The following CMYA5 variants were observed in gnomAD, a reference collection of about 807,000 sequenced individuals.
The protein encoded by CMYA5 is cardiomyopathy-associated protein 5.
Under a neutral mutation model 318.9 loss-of-function variants are expected in CMYA5, and 246 were observed. The ratio of observed to expected loss-of-function variants is 0.77; its 90% CI spans 0.70 to 0.86. The LOEUF (loss-of-function observed/expected upper bound fraction) is 0.86, where lower values mean the gene tolerates loss of function less well. Ranked by LOEUF, CMYA5 falls within the 40% of genes least tolerant of loss-of-function variation. The pLI, the probability that CMYA5 is intolerant of heterozygous loss-of-function variation, is 0.00. For synonymous variants in CMYA5, 1,641 were observed against 1,729.5 expected (o/e 0.95, Z 1.27); for missense variants, 4,589 against 4,678.2 (o/e 0.98, Z 0.56).
In CMYA5 at chr5:79,733,634, G is replaced by C; in HGVS notation, c.4869G>C (p.Glu1623Asp). The change falls in exon 2 of 13, where the codon GAG becomes GAC. Residue 1623 changes from glutamate to aspartate, a missense_variant. By Grantham distance (45) the Glu-to-Asp change is conservative. This residue lies in a region of CMYA5 where 2,132 missense variants were observed against 2,131.3 expected (regional missense o/e 1.00). Transcript: ENST00000446378. ...VALAELSLEP[E>D]KKDKPHQPLE... ...TGGCAGAGCTGTCTTTGGAACCTGAGAAGAAAGACAAGCCACACCAACCGT... is the reference window on the plus strand; with the variant it reads ...TGGCAGAGCTGTCTTTGGAACCTGACAAGAAAGACAAGCCACACCAACCGT... 6.2e-7 allele frequency: 1 copy of C among 1,613,098 alleles called. No individual in the cohort carries two copies. The highest frequency in any genetic ancestry group is 8.5e-7 in the Non-Finnish European group (1 of 1,179,638).
intron 9 of CMYA5, among the ~76,000 whole-genome samples, chr5:79,768,089 A>G (rs1447769271): frequency 6.6e-6 from 1 of 151,660 alleles, no homozygotes; most frequent in Non-Finnish European, 1.5e-5. Flanking sequence ...TTGTTGGTTT[A>G]AAGTCTGTTT....
intron 1 of CMYA5, among the ~76,000 whole-genome samples, chr5:79,728,591 AGT>A (rs1317598928): frequency 2.0e-5 from 3 of 152,066 alleles, no homozygotes; most frequent in Admixed American, 6.5e-5. Context: ...TGGTGACTAG[AGT>A]GGGCTTGAGT....
intron 9 of CMYA5, among the ~76,000 whole-genome samples, chr5:79,772,960 A>G (rs1279758834): frequency 6.6e-6 from 1 of 152,262 alleles, no homozygotes; most frequent in Non-Finnish European, 1.5e-5. Context: ...TGATGTATAA[A>G]GAAGCTCAAA....
At chr5:79,776,712 A>C (rs1194277588) in intron 9 of CMYA5, among the ~76,000 whole-genome samples, 1 of 152,168 alleles carries the variant, frequency 6.6e-6, no homozygotes, top group African/African-American at 2.4e-5. Context: ...AGTTCACACT[A>C]TGTGGTGTCG....
chr5:79,726,425 G>A (rs566162593), intron 1 of CMYA5, among the ~76,000 whole-genome samples: 2 of 152,258 alleles, frequency 1.3e-5, no homozygotes, highest in East Asian at 3.9e-4. Flanking sequence ...GTATGTAAAA[G>A]AGCCTGAAAA....
chr5:79,750,076 G>A (rs1282562790), intron 5 of CMYA5, among the ~76,000 whole-genome samples: 1 of 151,750 alleles, frequency 6.6e-6, no homozygotes, highest in East Asian at 1.9e-4. Context: ...GATACCCATA[G>A]GAAGTGGCAC....
intron 1 of CMYA5, among the ~76,000 whole-genome samples, 160 bp from the exon 2 acceptor site, chr5:79,728,755 T>C (rs1170463140): frequency 6.6e-6 from 1 of 152,210 alleles, no homozygotes; most frequent in Non-Finnish European, 1.5e-5. Flanking sequence ...TTTTAAACTT[T>C]ATTTGATATA....
chr5:79,714,287 G>A (rs1827469910), intron 1 of CMYA5, among the ~76,000 whole-genome samples: 1 of 151,764 alleles, frequency 6.6e-6, no homozygotes, highest in Non-Finnish European at 1.5e-5. Context: ...TTTTTATCTT[G>A]CAAAACCTCA....
intron 1 of CMYA5, among the ~76,000 whole-genome samples, chr5:79,715,433 G>A (rs1045098619): frequency 2.0e-5 from 3 of 152,064 alleles, no homozygotes; most frequent in Middle Eastern, 3.4e-3. Flanking sequence ...GACTACAGGC[G>A]CCCGCCACCA....
In CMYA5 at chr5:79,762,260, G is replaced by A. The variant is rs1040582325; in HGVS notation, c.11407+303G>A. 24 of 281,090 alleles carry A rather than the reference G, an allele frequency of 8.5e-5. No individual in the cohort carries two copies. The South Asian group carries it at 1.4e-3, about 17-fold the overall frequency. 17.4% of individuals were successfully genotyped at this position (281,090 alleles called of 1,614,324 possible). A position where few individuals can be genotyped will look rare whatever the true frequency, so the allele number is the denominator to read the frequency against. On this transcript the variant is annotated intron_variant, in intron 8 of 12. Coordinates refer to ENST00000446378, the MANE Select transcript of CMYA5 (RefSeq NM_153610.5). ...GTTGGCCTGGGGCAGGGGCAGGATC[G>A]GAACTGCTTCCTAGAACTGATGCCT...
Position 79,735,072 on chromosome 5 carries a change from G to C in CMYA5, c.6307G>C (p.Glu2103Gln). 6.2e-7 allele frequency: 1 copy of C among 1,613,798 alleles called. No individual in the cohort carries two copies. Among genetic ancestry groups the C allele is most frequent in the Non-Finnish European group, 8.5e-7 (1 of 1,179,802 alleles). The change falls in exon 2 of 13, where the codon GAA becomes CAA. Residue 2103 changes from glutamate to glutamine, a missense_variant. Glu to Gln is a conservative substitution (Grantham distance 29). Around this residue, in one of 3 missense-constraint regions of CMYA5, gnomAD observed 2,431 missense variants for 2,495.1 expected, o/e 0.97. Coordinates refer to ENST00000446378, the MANE Select transcript of CMYA5 (RefSeq NM_153610.5). ...TPPFPEEKPL[E>Q]ESKMVQSKVI... ...TCCTTTTCCTGAAGAGAAGCCATTG[G>C]AAGAATCAAAAATGGTTCAGTCAAA... is the stretch of plus-strand genomic sequence containing the variant.
At chr5:79,745,107 C>T (rs1828290983) in intron 3 of CMYA5, 115 bp from the exon 4 acceptor site, 7 of 659,442 alleles carry the variant, frequency 1.1e-5, no homozygotes, top group South Asian at 2.0e-5. Context: ...ATGTCTGATT[C>T]TCTGATCAGG....
At chr5:79,701,853 C>A (rs545824832) in intron 1 of CMYA5, among the ~76,000 whole-genome samples, 1 of 152,122 alleles carries the variant, frequency 6.6e-6, no homozygotes, top group South Asian at 2.1e-4. Flanking sequence ...AGAGGCCAGG[C>A]GTGGTGGCTC....
At position 79,731,707 on chromosome 5, in the gene CMYA5, C is replaced by T. The variant is rs763572326; in HGVS notation, c.2942C>T (p.Pro981Leu). The change falls in exon 2 of 13, where the codon CCA becomes CTA. Residue 981 changes from proline to leucine, a missense_variant. This residue lies in a region of CMYA5 where 2,132 missense variants were observed against 2,131.3 expected (regional missense o/e 1.00). Coordinates refer to ENST00000446378, the MANE Select transcript of CMYA5 (RefSeq NM_153610.5). ...GATTCTCCAATATGTTTAACATCAC[C>T]ATCTGAGCACACTATTTTGTCAGAT... Reference protein sequence around the residue: ...ECDSPICLTSPSEHTILSDED... With the variant: ...ECDSPICLTSLSEHTILSDED... 3 of 1,613,930 alleles carry T rather than the reference C, an allele frequency of 1.9e-6. No homozygotes were observed. The highest frequency in any genetic ancestry group is 1.7e-5 in the Admixed American group (1 of 59,992).
chr5:79,797,760 TC>T (rs1329764730), intron 12 of CMYA5, among the ~76,000 whole-genome samples: 1 of 152,168 alleles, frequency 6.6e-6, no homozygotes, highest in African/African-American at 2.4e-5. Flanking sequence ...CCACGTAACA[TC>T]CTAAAAGTCA....
At chr5:79,762,926 T>C in intron 8 of CMYA5, 136 bp from the exon 9 acceptor site, 1 of 1,035,564 alleles carries the variant, frequency 9.7e-7, no homozygotes, top group Non-Finnish European at 1.4e-6. Context: ...CCTTTTGGGT[T>C]TTTAACACAG....
At chr5:79,714,680 T>G (rs1430968710) in intron 1 of CMYA5, among the ~76,000 whole-genome samples, 1 of 152,126 alleles carries the variant, frequency 6.6e-6, no homozygotes, top group African/African-American at 2.4e-5. Context: ...GCTCAAGTGA[T>G]CCTCCTGACT....
At chr5:79,712,227 A>T (rs1034062579) in intron 1 of CMYA5, among the ~76,000 whole-genome samples, 5 of 151,958 alleles carry the variant, frequency 3.3e-5, no homozygotes, top group Non-Finnish European at 7.4e-5. Context: ...TTGTTTATTT[A>T]TTTTTGAGTT....
chr5:79,718,571 C>T (rs1246254100), intron 1 of CMYA5, among the ~76,000 whole-genome samples: 1 of 152,066 alleles, frequency 6.6e-6, no homozygotes, highest in Non-Finnish European at 1.5e-5. Flanking sequence ...GAGAATAAAG[C>T]ATCATGCAAA....
Sources: gnomAD v4.1 joint callset for allele counts (sites outside exome capture counted in the v4.1 genomes callset) on GRCh38, gnomAD v4.1.1 for gene constraint, gnomAD v4.1.1 regional missense constraint, MANE v1.5 for transcripts, NCBI Gene and HGNC (gene_info 2026-07-23, HGNC 2026-07-21) for gene names.